The following ADAM23 variants were observed in gnomAD, a reference collection of about 807,000 sequenced individuals.
ADAM23 encodes disintegrin and metalloproteinase domain-containing protein 23.
A neutral mutation model predicts 120.1 loss-of-function variants in ADAM23; 33 were observed. The ratio of observed to expected loss-of-function variants is 0.27; its 90% CI spans 0.21 to 0.37. The LOEUF (loss-of-function observed/expected upper bound fraction) is 0.37, where lower values mean the gene tolerates loss of function less well. Among genes scored for constraint, ADAM23 ranks in the 10% least tolerant of loss-of-function variants. The pLI, the probability that ADAM23 is intolerant of heterozygous loss-of-function variation, is 1.00. For synonymous variants in ADAM23, 367 were observed against 375.2 expected, an observed-to-expected ratio of 0.98 and a Z score of 0.25; for missense variants, 862 against 1,058.2, an observed-to-expected ratio of 0.81 and a Z score of 2.57.
At chr2:206,470,506 C>T in intron 2 of ADAM23, among the ~76,000 whole-genome samples, 1 of 152,108 alleles carries the variant, frequency 6.6e-6, no homozygotes, top group Non-Finnish European at 1.5e-5. Context: ...AACATGAGGT[C>T]ACGTATCAAT....
intron 2 of ADAM23, among the ~76,000 whole-genome samples, chr2:206,477,821 T>C (rs1574487730): frequency 6.8e-6 from 1 of 147,544 alleles, no homozygotes; most frequent in Non-Finnish European, 1.5e-5. Flanking sequence ...GACTTTGTAC[T>C]CATCCCAGCC....
At chr2:206,499,504 G>C (rs1186814453) in intron 3 of ADAM23, among the ~76,000 whole-genome samples, 1 of 125,152 alleles carries the variant, frequency 8.0e-6, no homozygotes, top group Non-Finnish European at 1.7e-5. Context: ...GGGGTGGGGG[G>C]AGGGGGGATA....
chr2:206,605,981 C>G, intron 24 of ADAM23: 1 of 586,326 alleles, frequency 1.7e-6, no homozygotes, highest in Non-Finnish European at 3.0e-6. Context: ...ACCGTGTTTC[C>G]TGTGGTAGTG....
At chr2:206,458,125 G>C (rs1368409080) in intron 2 of ADAM23, among the ~76,000 whole-genome samples, 1 of 128,740 alleles carries the variant, frequency 7.8e-6, no homozygotes, top group Non-Finnish European at 1.7e-5. Flanking sequence ...AGGAAGAATG[G>C]TTGGAGGTCA....
chr2:206,574,592 CTATT>C (rs1415937960), intron 18 of ADAM23, among the ~76,000 whole-genome samples: 1 of 152,140 alleles, frequency 6.6e-6, no homozygotes, highest in Admixed American at 6.5e-5. Context: ...AGCCACGAAA[CTATT>C]TATTAGACAA....
chr2:206,499,456 A>G (rs1367600564), intron 3 of ADAM23, among the ~76,000 whole-genome samples: 1 of 143,092 alleles, frequency 7.0e-6, no homozygotes, highest in African/African-American at 2.6e-5. Context: ...GAACACATGG[A>G]CACAGGAAGA....
intron 18 of ADAM23, among the ~76,000 whole-genome samples, chr2:206,576,810 A>G (rs1698125309): frequency 6.6e-6 from 1 of 152,212 alleles, no homozygotes; most frequent in Non-Finnish European, 1.5e-5. Flanking sequence ...CGTAATTAAG[A>G]GAAATCCTTG....
chr2:206,602,013 G>A (rs1574560471), intron 24 of ADAM23, among the ~76,000 whole-genome samples: 1 of 152,212 alleles, frequency 6.6e-6, no homozygotes, highest in African/African-American at 2.4e-5. Flanking sequence ...GGAGTATTTA[G>A]TGTTTACATT....
chr2:206,568,792 G>T (rs1697939150), intron 15 of ADAM23, among the ~76,000 whole-genome samples: 1 of 152,176 alleles, frequency 6.6e-6, no homozygotes, highest in African/African-American at 2.4e-5. Context: ...AACTGAGAGA[G>T]CAGCGAAATA....
chr2:206,498,156 A>T (rs2105891059), intron 3 of ADAM23, among the ~76,000 whole-genome samples: 1 of 152,336 alleles, frequency 6.6e-6, no homozygotes, highest in East Asian at 1.9e-4. Context: ...ACTACTTTAA[A>T]GTTTATATGG....
rs941559253 is a variant in ADAM23, at chr2:206,443,766, A to T, written c.-101A>T. ...GGAGCCCCCTGCCCGCCGCGGCACC[A>T]TGCGCGCCGAGCCGGCGTGACCGGC... On this transcript the variant is annotated 5_prime_UTR_variant, in exon 1 of 26. It removes an upstream start codon present in the reference 5' UTR. Transcript: ENST00000264377. 3.5e-6 allele frequency: 2 copies of T among 567,610 alleles called. No individual in the cohort carries two copies. The highest frequency in any genetic ancestry group is 4.4e-6 in the Non-Finnish European group (2 of 449,690). 35.2% of individuals were successfully genotyped at this position (567,610 alleles called of 1,614,324 possible).
intron 13 of ADAM23, among the ~76,000 whole-genome samples, chr2:206,564,080 G>A (rs1473761012): frequency 6.6e-6 from 1 of 151,744 alleles, no homozygotes; most frequent in Non-Finnish European, 1.5e-5. Context: ...CTATTTCATT[G>A]GTTCTAAACT....
intron 9 of ADAM23, among the ~76,000 whole-genome samples, chr2:206,553,790 C>T (rs1314086865): frequency 6.6e-6 from 1 of 152,132 alleles, no homozygotes; most frequent in Non-Finnish European, 1.5e-5. Context: ...ACATTTATTT[C>T]TGAATATGTG....
At chr2:206,462,820 G>A (rs1306294249) in intron 2 of ADAM23, among the ~76,000 whole-genome samples, 1 of 152,122 alleles carries the variant, frequency 6.6e-6, no homozygotes, top group Non-Finnish European at 1.5e-5. Flanking sequence ...AGGAGGAAGA[G>A]TCTATACAGA....
At chr2:206,483,513 T>A (rs1050333142) in intron 3 of ADAM23, among the ~76,000 whole-genome samples, 2 of 151,364 alleles carry the variant, frequency 1.3e-5, no homozygotes, top group South Asian at 2.1e-4. Context: ...GGAGGGTAGG[T>A]AGAGTAAGGA....
intron 2 of ADAM23, among the ~76,000 whole-genome samples, chr2:206,448,404 T>A (rs1393420866): frequency 6.6e-6 from 1 of 152,196 alleles, no homozygotes; most frequent in Non-Finnish European, 1.5e-5. Flanking sequence ...ATGGAAAAAT[T>A]TAATTTTGCT....
chr2:206,503,708 G>A (rs948251104), intron 3 of ADAM23, among the ~76,000 whole-genome samples: 1 of 152,144 alleles, frequency 6.6e-6, no homozygotes, highest in Non-Finnish European at 1.5e-5. Flanking sequence ...TACATGACCA[G>A]TAATAATCAG....
At chr2:206,449,183 A>G (rs1221401827) in intron 2 of ADAM23, among the ~76,000 whole-genome samples, 2 of 152,180 alleles carry the variant, frequency 1.3e-5, no homozygotes, top group Non-Finnish European at 2.9e-5. Flanking sequence ...GTGTTGGGTT[A>G]AGTGTTGTGT....
chr2:206,557,600 C>T, intron 10 of ADAM23, 102 bp downstream of exon 10: 1 of 1,108,038 alleles, frequency 9.0e-7, no homozygotes, highest in Non-Finnish European at 1.4e-6. Context: ...TTTAAAAACA[C>T]AATCCTGAAG....
Sources: gnomAD v4.1 joint callset for allele counts (sites outside exome capture counted in the v4.1 genomes callset) on GRCh38, gnomAD v4.1.1 for gene constraint, MANE v1.5 for transcripts, NCBI Gene and HGNC (gene_info 2026-07-23, HGNC 2026-07-21) for gene names.